The following CNBD1 variants were observed in gnomAD, a reference collection of about 807,000 sequenced individuals.
CNBD1 encodes the protein cyclic nucleotide-binding domain-containing protein 1.
CNBD1 carries 71 observed loss-of-function variants against 54.4 expected under a neutral mutation model. That is an observed-to-expected ratio of 1.30 (90% CI 1.08 to 1.59). The LOEUF is 1.59. Among genes scored for constraint, CNBD1 ranks in the 40% most tolerant of loss-of-function variants. The probability of loss-of-function intolerance (pLI) is 0.00; values close to 1 mark genes in which losing one functional copy is unlikely to be tolerated. For missense variants in CNBD1, 659 were observed against 518.0 expected, an observed-to-expected ratio of 1.27 and a Z score of -2.64; for synonymous variants, 182 against 170.7, an observed-to-expected ratio of 1.07 and a Z score of -0.51.
At chr8:86,998,207 C>T (rs1808917665) in intron 4 of CNBD1, among the ~76,000 whole-genome samples, 1 of 148,502 alleles carries the variant, frequency 6.7e-6, no homozygotes, top group African/African-American at 2.5e-5. Context: ...GTGTGTGTTT[C>T]TGTTTTTTTT....
chr8:86,988,910 T>C (rs1209008639), intron 4 of CNBD1, among the ~76,000 whole-genome samples: 1 of 152,160 alleles, frequency 6.6e-6, no homozygotes, highest in African/African-American at 2.4e-5. Flanking sequence ...ATTTTCTTTA[T>C]CCATTTTTTT....
At chr8:86,908,949 G>T (rs1809059981) in intron 3 of CNBD1, among the ~76,000 whole-genome samples, 1 of 152,004 alleles carries the variant, frequency 6.6e-6, no homozygotes, top group African/African-American at 2.4e-5. Flanking sequence ...GTAGCGACGA[G>T]GTTTCACCAT....
chr8:87,401,857 A>G (rs1586080424), intron 2 of CNBD1, among the ~76,000 whole-genome samples: 1 of 152,024 alleles, frequency 6.6e-6, no homozygotes, highest in Non-Finnish European at 1.5e-5. Flanking sequence ...TAAACACAGA[A>G]TAACAGGTAG....
intron 3 of CNBD1, among the ~76,000 whole-genome samples, chr8:86,931,948 A>G (rs1308196152): frequency 6.6e-6 from 1 of 152,130 alleles, no homozygotes; most frequent in African/African-American, 2.4e-5. Flanking sequence ...TCCTTCTAGA[A>G]CACAGGTCAA....
At chr8:86,872,066 C>G (rs1203287357) in intron 1 of CNBD1, among the ~76,000 whole-genome samples, 2 of 152,196 alleles carry the variant, frequency 1.3e-5, no homozygotes, top group African/African-American at 4.8e-5. Flanking sequence ...AGTCATCAAT[C>G]CAAGATCATT....
intron 2 of CNBD1, among the ~76,000 whole-genome samples, chr8:87,410,718 A>G (rs1294906767): frequency 6.6e-6 from 1 of 152,134 alleles, no homozygotes; most frequent in Admixed American, 6.6e-5. Flanking sequence ...ATCAAACAGC[A>G]TTGCTGCTAC....
intron 4 of CNBD1, among the ~76,000 whole-genome samples, chr8:87,154,402 G>A (rs1812671479): frequency 6.6e-6 from 1 of 152,176 alleles, no homozygotes; most frequent in East Asian, 1.9e-4. Context: ...GGGAAGAACA[G>A]TTGAGGCAGT....
In CNBD1 at chr8:87,083,538, C is replaced by G. The variant is rs146808725; in HGVS notation, c.432-122455C>G. 2.1e-3 allele frequency among the ~76,000 whole-genome samples: 315 copies of G among 152,090 alleles called. 1 individual carries two copies. Among genetic ancestry groups the G allele is most frequent in the African/African-American group, 6.6e-3 (272 of 41,476 alleles). The stretch of plus-strand genomic sequence containing the variant: ...TCAATTTACCTATAGCCTGGACTCC[C>G]CACCCTCTTCCCCTGCTTTTGACTT... On this transcript the variant is annotated intron_variant, in intron 4 of 10. Coordinates refer to ENST00000518476, the MANE Select transcript of CNBD1 (RefSeq NM_173538.3).
At chr8:87,361,547 T>C (rs915256484) in intron 10 of CNBD1, among the ~76,000 whole-genome samples, 4 of 151,786 alleles carry the variant, frequency 2.6e-5, no homozygotes, top group African/African-American at 9.7e-5. Flanking sequence ...CTAATGTTTA[T>C]ATAGTTTTAG....
chr8:86,968,261 G>A (rs188188537), intron 4 of CNBD1, among the ~76,000 whole-genome samples: 7 of 152,116 alleles, frequency 4.6e-5, no homozygotes, highest in East Asian at 1.9e-4. Flanking sequence ...CCACTCACCC[G>A]GTTGGAAGCT....
intron 1 of CNBD1, among the ~76,000 whole-genome samples, chr8:86,869,699 G>T (rs1808414739): frequency 1.3e-5 from 2 of 152,066 alleles, no homozygotes; most frequent in Non-Finnish European, 2.9e-5. Flanking sequence ...TTTCATTCTG[G>T]ATGAGAATTA....
chr8:87,329,097 G>A (rs1312732964), intron 8 of CNBD1, among the ~76,000 whole-genome samples: 1 of 151,120 alleles, frequency 6.6e-6, no homozygotes, highest in Non-Finnish European at 1.5e-5. Flanking sequence ...GTTAATTTTT[G>A]TGAAAAGTAT....
chr8:87,252,130 A>G lies in CNBD1; in HGVS notation c.771+15018A>G, dbSNP rs375153136. ...CATTTCTATTTTTCCATTCTGTTAT[A>G]ATCAGAATTATATTCATTATTATGA... On this transcript the variant is annotated intron_variant, in intron 6 of 10. Transcript: ENST00000518476. Among the ~76,000 whole-genome samples, 78 of 152,266 alleles carry G rather than the reference A, an allele frequency of 5.1e-4. No homozygotes were observed. In the South Asian group the frequency reaches 0.016, roughly 32 times the overall value.
In CNBD1 at chr8:87,233,458, T is replaced by C. The variant is rs187401788; in HGVS notation, c.578-3461T>C. On this transcript the variant is annotated intron_variant, in intron 5 of 10. Coordinates refer to ENST00000518476, the MANE Select transcript of CNBD1 (RefSeq NM_173538.3). ...AGTCTATTAAGCAGTGATTGCATTATGTTTAAAAATATATATACCTTAATT... is the reference window on the plus strand; with the variant it reads ...AGTCTATTAAGCAGTGATTGCATTACGTTTAAAAATATATATACCTTAATT... Among the ~76,000 whole-genome samples, 3 of 152,336 alleles carry C rather than the reference T, an allele frequency of 2.0e-5. No individual in the cohort carries two copies. The East Asian group carries it at 5.8e-4, about 29-fold the overall frequency.
In CNBD1 at chr8:87,284,796, G is replaced by A. The variant is rs1401217594; in HGVS notation, c.890G>A (p.Gly297Glu). 2.5e-6 allele frequency: 4 copies of A among 1,584,218 alleles called. No individual in the cohort carries two copies. The highest frequency in any genetic ancestry group is 3.4e-6 in the Non-Finnish European group (4 of 1,164,978). Reference sequence around the variant, plus strand: ...GAAATTCTTAAAATCCCAGCAAAGGGATATGCAAAGATAAAGGAGGTAAGA... The same window carrying A: ...GAAATTCTTAAAATCCCAGCAAAGGAATATGCAAAGATAAAGGAGGTAAGA... Reference protein sequence around the residue: ...DCEILKIPAKGYAKIKEEKIK... With the variant: ...DCEILKIPAKEYAKIKEEKIK... Residue 297 changes from glycine (G) to glutamate (E), a missense_variant, in exon 7 of 11, where the codon GGA becomes GAA. Physicochemically the swap from Gly to Glu is moderately conservative, Grantham distance 98. Transcript: ENST00000518476.
intron 4 of CNBD1, among the ~76,000 whole-genome samples, chr8:86,965,335 C>T (rs1346862904): frequency 6.6e-6 from 1 of 152,112 alleles, no homozygotes; most frequent in African/African-American, 2.4e-5. Context: ...AAGGTGTAGC[C>T]TCAGCCAGAT....
At chr8:87,393,000 A>G (rs995745277) in intron 2 of CNBD1, among the ~76,000 whole-genome samples, 1 of 151,868 alleles carries the variant, frequency 6.6e-6, no homozygotes, top group Non-Finnish European at 1.5e-5. Flanking sequence ...TAACATTTTG[A>G]AGATTTATTT....
chr8:87,322,071 G>T (rs1258691801), intron 8 of CNBD1, among the ~76,000 whole-genome samples: 2 of 131,358 alleles, frequency 1.5e-5, no homozygotes, highest in Non-Finnish European at 1.6e-5. Context: ...TTTTGTTCTT[G>T]CGATAGTTTA....
intron 10 of CNBD1, among the ~76,000 whole-genome samples, chr8:87,359,605 T>C (rs1810489556): frequency 6.6e-6 from 1 of 152,106 alleles, no homozygotes; most frequent in Non-Finnish European, 1.5e-5. Flanking sequence ...ATGATATTAA[T>C]TTGCATTTAA....
Sources: allele counts gnomAD v4.1 joint callset (sites outside exome capture counted in the v4.1 genomes callset), GRCh38; gene constraint gnomAD v4.1.1; transcripts MANE v1.5; gene names NCBI Gene and HGNC (gene_info 2026-07-23, HGNC 2026-07-21).